Variants in KLRC3 observed in about 807,000 individuals in gnomAD.
The protein encoded by KLRC3 is killer cell lectin like receptor C3.
KLRC3 carries 16 observed loss-of-function variants against 23.6 expected under a neutral mutation model. The observed-to-expected ratio is 0.68, with a 90% CI of 0.46 to 1.03. The LOEUF is 1.03. Ranked by LOEUF, KLRC3 falls within the 50% of genes least tolerant of loss-of-function variation. KLRC3 has a pLI of 0.00. For missense variants in KLRC3, 209 were observed against 232.2 expected, an observed-to-expected ratio of 0.90 and a Z score of 0.65; for synonymous variants, 70 against 71.8, an observed-to-expected ratio of 0.98 and a Z score of 0.13.
intron 4 of KLRC3, 84 bp downstream of exon 4, chr12:10,418,260 G>A: frequency 7.8e-7 from 1 of 1,280,246 alleles, no homozygotes; most frequent in Non-Finnish European, 1.1e-6. Flanking sequence ...CTAAATATAT[G>A]TACACACATA....
chr12:10,415,749 A>AT lies in KLRC3; in HGVS notation c.632dup (p.His211GlnfsTer17). 6.2e-7 allele frequency: 1 copy of AT among 1,613,388 alleles called. No individual in the cohort carries two copies. ...ACTGGTCTGATATAAGTCCACGTAC[A>AT]TGTAGCATTGCACAGTTACGTTCAG... On this transcript the variant is annotated frameshift_variant, in exon 6 of 7. Coordinates refer to ENST00000396439, the MANE Select transcript of KLRC3 (RefSeq NM_002261.3). LOFTEE classifies it low-confidence loss of function (END_TRUNC).
chr12:10,417,959 A>G (rs1295832510), intron 4 of KLRC3, among the ~76,000 whole-genome samples: 1 of 152,200 alleles, frequency 6.6e-6, no homozygotes, highest in Admixed American at 6.5e-5. Flanking sequence ...AGGAGTCAGG[A>G]TAAGTGATGA....
In KLRC3 at chr12:10,417,238, CAG is replaced by C. The variant is rs1030956423; in HGVS notation, c.487-473_487-472del. On this transcript the variant is annotated intron_variant, in intron 4 of 6. Transcript: ENST00000396439. ...ATCCGATTCGGTTTTTGTGGAATAA[CAG>C]GGGTCCTGGCCAGGTGGTGTAGACT... Among the ~76,000 whole-genome samples the C allele has an allele frequency of 5.3e-5, 8 of 151,836 alleles. 1 individual carries two copies. The highest frequency in any genetic ancestry group is 1.2e-4 in the African/African-American group (5 of 41,108).
At chr12:10,415,570 C>T in intron 6 of KLRC3, 134 bp downstream of exon 6, 1 of 1,355,358 alleles carries the variant, frequency 7.4e-7, no homozygotes, top group East Asian at 2.5e-5. Context: ...TTGGAATTTT[C>T]TTATTATTAG....
intron 6 of KLRC3, among the ~76,000 whole-genome samples, chr12:10,413,590 T>C (rs1863601096): frequency 6.6e-6 from 1 of 152,178 alleles, no homozygotes; most frequent in African/African-American, 2.4e-5. Flanking sequence ...TCAGATGGCA[T>C]AACTAGTGAA....
chr12:10,416,582 A>G, intron 5 of KLRC3, 85 bp downstream of exon 5: 1 of 1,441,520 alleles, frequency 6.9e-7, no homozygotes. Flanking sequence ...TCTTCATATC[A>G]ATGATTCCAC....
At chr12:10,416,162 T>G (rs1049185270) in intron 5 of KLRC3, among the ~76,000 whole-genome samples, 1 of 152,148 alleles carries the variant, frequency 6.6e-6, no homozygotes, top group Non-Finnish European at 1.5e-5. Context: ...CTATTGTGCT[T>G]TGAGGATATT....
At chr12:10,413,378 A>G (rs528788998) in intron 6 of KLRC3, among the ~76,000 whole-genome samples, 3 of 152,344 alleles carry the variant, frequency 2.0e-5, no homozygotes, top group African/African-American at 7.2e-5. Context: ...AAACATGGCA[A>G]TACCATTATG....
chr12:10,418,843 AAAGAGGGTAGAATGATTTT>A (rs1168439087), intron 3 of KLRC3, among the ~76,000 whole-genome samples, 182 bp downstream of exon 3: 11 of 152,032 alleles, frequency 7.2e-5, no homozygotes, highest in Non-Finnish European at 1.2e-4. Context: ...TAATTGGGAG[AAAGAGGGTAGAATGATTTT>A]AAGTGAGTAT....
At chr12:10,416,299 A>G (rs1333171298) in intron 5 of KLRC3, among the ~76,000 whole-genome samples, 1 of 152,218 alleles carries the variant, frequency 6.6e-6, no homozygotes, top group African/African-American at 2.4e-5. Context: ...AATGCGGCCC[A>G]ACACAAATAC....
At chr12:10,417,621 C>T (rs1863663964) in intron 4 of KLRC3, among the ~76,000 whole-genome samples, 1 of 147,078 alleles carries the variant, frequency 6.8e-6, no homozygotes. Flanking sequence ...CAGGAGACAC[C>T]AGGGTGGTTG....
In KLRC3 at chr12:10,412,463, AAGT is replaced by A. The variant is rs1181057047; in HGVS notation, c.*106_*108del. On this transcript the variant is annotated 3_prime_UTR_variant, in exon 7 of 7. Transcript: ENST00000396439. Reference sequence around the variant, plus strand: ...TAGTTAAAAATAGGGAGGGCAGAAAAAGTAGATTTTTAAAACACAAGCTAAATG... The same window carrying A: ...TAGTTAAAAATAGGGAGGGCAGAAAAAGATTTTTAAAACACAAGCTAAATG... 7.4e-6 allele frequency: 5 copies of A among 677,270 alleles called. No homozygotes were observed. The Middle Eastern group carries it at 7.0e-4, about 95-fold the overall frequency. The allele number at this position is 677,270 out of a possible 1,614,324, so 42.0% of individuals were successfully genotyped here.
rs755965260 is a variant in KLRC3 at position 10,418,467 on chromosome 12, C to T, written c.363G>A (p.Trp121Ter). ...ARHCGHCPEE[W>*]ITYSNSCYYI... is the part of the protein sequence containing the mutation. ...AATAACAACTGTTGGAATATGTAAT[C>T]CACTCCTCAGGACAATGGCCACAAT... Residue 121 changes from tryptophan (W) to a stop codon, truncating the protein, a stop_gained, in exon 4 of 7, where the codon TGG (tryptophan) becomes TGA (stop). Transcript: ENST00000396439. LOFTEE classifies it high-confidence loss of function. 17 of 1,600,226 alleles carry T rather than the reference C, an allele frequency of 1.1e-5. No homozygotes were observed. Among genetic ancestry groups the T allele is most frequent in the East Asian group, 8.9e-5 (4 of 44,754 alleles).
At chr12:10,419,539 A>G (rs1237233063) in intron 2 of KLRC3, 1 of 1,041,628 alleles carries the variant, frequency 9.6e-7, no homozygotes, top group East Asian at 4.8e-5. Flanking sequence ...CTTTGAAAAT[A>G]AAAATGTACT....
At chr12:10,415,442 C>T (rs942546836) in intron 6 of KLRC3, 35 of 541,916 alleles carry the variant, frequency 6.5e-5, no homozygotes, top group Non-Finnish European at 6.4e-6. Flanking sequence ...ACCAACATAA[C>T]ATGCAACTTT....
At chr12:10,413,020 A>G (rs1008824104) in intron 6 of KLRC3, among the ~76,000 whole-genome samples, 2 of 152,146 alleles carry the variant, frequency 1.3e-5, no homozygotes, top group African/African-American at 2.4e-5. Flanking sequence ...CGGATACTCA[A>G]TTTCAATGTA....
intron 3 of KLRC3, 70 bp from the exon 4 acceptor site, chr12:10,418,568 G>C: frequency 6.9e-7 from 1 of 1,441,682 alleles, no homozygotes. Context: ...TCACATATTT[G>C]CAACAGTATA....
rs890199396 is a variant in KLRC3, at chr12:10,412,440, G to C, written c.*132C>G. The C allele has an allele frequency of 1.5e-6, 1 of 660,940 alleles. No individual in the cohort carries two copies. The highest frequency in any genetic ancestry group is 1.8e-5 in the African/African-American group (1 of 54,534). The allele number at this position is 660,940 out of a possible 1,614,324, so 40.9% of individuals were successfully genotyped here. ...AAAGTAATTTTTAAAACATCATCTA[G>C]TTAAAAATAGGGAGGGCAGAAAAAG... is the stretch of plus-strand genomic sequence containing the variant. On this transcript the variant is annotated 3_prime_UTR_variant, in exon 7 of 7. Transcript: ENST00000396439.
At chr12:10,417,829 A>C (rs1307987674) in intron 4 of KLRC3, among the ~76,000 whole-genome samples, 3 of 152,230 alleles carry the variant, frequency 2.0e-5, no homozygotes, top group East Asian at 3.8e-4. Flanking sequence ...AATTCCACAA[A>C]TATCAGATAG....
Sources: allele counts gnomAD v4.1 joint callset (sites outside exome capture counted in the v4.1 genomes callset), GRCh38; gene constraint gnomAD v4.1.1; transcripts MANE v1.5; gene names NCBI Gene and HGNC (gene_info 2026-07-23, HGNC 2026-07-21).